ETFA: variants seen among roughly 807,000 people sequenced by gnomAD.
The protein encoded by ETFA is electron transfer flavoprotein subunit alpha.
In ETFA, 22 loss-of-function variants were observed where a neutral mutation model predicts 46.2. That is an observed-to-expected ratio of 0.48 (90% CI 0.34 to 0.68). ETFA has a LOEUF of 0.68. ETFA is among the 30% of genes least tolerant of loss of function. The pLI is 0.01. For missense variants in ETFA, 345 were observed against 401.1 expected (o/e 0.86, Z 1.19); for synonymous variants, 131 against 139.9 (o/e 0.94, Z 0.45).
chr15:76,308,773 G>A (rs1318062134), intron 1 of ETFA, among the ~76,000 whole-genome samples: 4 of 152,196 alleles, frequency 2.6e-5, no homozygotes, highest in Non-Finnish European at 4.4e-5. Context: ...GTATTTTATG[G>A]TGAAACTTCC....
chr15:76,266,514 C>T (rs941454774), intron 9 of ETFA, among the ~76,000 whole-genome samples: 7 of 152,282 alleles, frequency 4.6e-5, no homozygotes, highest in African/African-American at 9.6e-5. Flanking sequence ...GCTGTAAATG[C>T]GGCAGGGTTA....
chr15:76,263,789 T>C (rs56220133), intron 9 of ETFA, among the ~76,000 whole-genome samples: 10,663 of 152,158 alleles, frequency 0.07, 442 homozygotes, highest in Middle Eastern at 0.12. Context: ...AGGACGAGTG[T>C]AAAAAACTAA....
In ETFA at chr15:76,225,928, G is replaced by C; in HGVS notation, c.884C>G (p.Thr295Arg). The change falls in exon 11 of 12, where the codon ACA (threonine) becomes AGA (arginine). Residue 295 changes from threonine to arginine, a missense_variant and splice_region_variant. By Grantham distance (71) the Thr-to-Arg change is moderately conservative. Transcript: ENST00000557943. ...TGGGTCTTTATTAATTGCCACAATT[G>C]TCTGTGAAATAAAAACAAAGAGTTT... ...QHLAGMKDSKTIVAINKDPEA... is the reference protein window; with the variant it reads ...QHLAGMKDSKRIVAINKDPEA... 6.3e-7 allele frequency: 1 copy of C among 1,595,966 alleles called. No homozygotes were observed. The highest frequency in any genetic ancestry group is 1.1e-5 in the South Asian group (1 of 90,694).
At chr15:76,218,698 T>C (rs1323272195) in intron 11 of ETFA, among the ~76,000 whole-genome samples, 1 of 152,216 alleles carries the variant, frequency 6.6e-6, no homozygotes, top group African/African-American at 2.4e-5. Context: ...TCTGTTCTCT[T>C]TTAGATATTG....
chr15:76,251,599 A>G (rs2039298634), intron 9 of ETFA, among the ~76,000 whole-genome samples: 1 of 152,198 alleles, frequency 6.6e-6, no homozygotes, highest in Admixed American at 6.5e-5. Flanking sequence ...GGCGCTAGTC[A>G]TTCCGCACAG....
intron 1 of ETFA, among the ~76,000 whole-genome samples, chr15:76,302,755 G>A (rs1484167814): frequency 6.6e-6 from 1 of 152,202 alleles, no homozygotes; most frequent in African/African-American, 2.4e-5. Flanking sequence ...CAGTGGAGGA[G>A]GTTGTGGGTG....
Position 76,274,310 on chromosome 15 carries a change from G to A in ETFA, c.816+102C>T. 6 of 930,002 alleles carry A rather than the reference G, an allele frequency of 6.5e-6. No individual in the cohort carries two copies. In the Admixed American group the frequency reaches 1.2e-4, roughly 19 times the overall value. 57.6% of individuals were successfully genotyped at this position (930,002 alleles called of 1,614,324 possible). ...CACCATGGTACTGGCTAACTGCTCA[G>A]GAACACTGAGTAAGGTAAATCACTG... On this transcript the variant is annotated intron_variant, in intron 9 of 11. Transcript: ENST00000557943.
chr15:76,295,368 T>TG (rs1209467896), intron 2 of ETFA, among the ~76,000 whole-genome samples: 1 of 152,222 alleles, frequency 6.6e-6, no homozygotes, highest in African/African-American at 2.4e-5. Flanking sequence ...ATGGTGCCAG[T>TG]GGAACTAAAT....
At chr15:76,243,349 A>G (rs188858434) in intron 9 of ETFA, among the ~76,000 whole-genome samples, 4 of 152,264 alleles carry the variant, frequency 2.6e-5, no homozygotes, top group East Asian at 1.9e-4. Flanking sequence ...AAAAATCACT[A>G]GAAACCTTGA....
intron 9 of ETFA, among the ~76,000 whole-genome samples, chr15:76,263,374 G>C (rs968246837): frequency 6.6e-6 from 1 of 152,234 alleles, no homozygotes; most frequent in Non-Finnish European, 1.5e-5. Context: ...AGGAACGCTA[G>C]AGCATGTGAA....
chr15:76,218,840 C>T lies in ETFA; in HGVS notation c.964-2243G>A, dbSNP rs115504655. Among the ~76,000 whole-genome samples, 793 of 152,176 alleles carry T rather than the reference C, an allele frequency of 5.2e-3. 8 individuals carry two copies. The highest frequency in any genetic ancestry group is 0.018 in the African/African-American group (734 of 41,516). Reference sequence around the variant, plus strand: ...CACTTAGTACTTCCTCCAGGTAGTACTAAGGGAAACAGAGAAGCTCTCTGT... The same window carrying T: ...CACTTAGTACTTCCTCCAGGTAGTATTAAGGGAAACAGAGAAGCTCTCTGT... On this transcript the variant is annotated intron_variant, in intron 11 of 11. Transcript: ENST00000557943.
At chr15:76,272,921 C>T (rs116477149) in intron 9 of ETFA, among the ~76,000 whole-genome samples, 203 of 151,786 alleles carry the variant, frequency 1.3e-3, no homozygotes, top group African/African-American at 3.5e-3. Context: ...TTCGGTATGA[C>T]AAGCAAACAG....
At chr15:76,308,744 A>G (rs2039960594) in intron 1 of ETFA, among the ~76,000 whole-genome samples, 1 of 152,256 alleles carries the variant, frequency 6.6e-6, no homozygotes, top group African/African-American at 2.4e-5. Context: ...AAAATTGAAC[A>G]TCCATAGATT....
At chr15:76,281,339 A>C (rs1352249743) in intron 8 of ETFA, among the ~76,000 whole-genome samples, 1 of 151,980 alleles carries the variant, frequency 6.6e-6, no homozygotes, top group African/African-American at 2.4e-5. Flanking sequence ...AAATCTGGCT[A>C]TCTTATTTTA....
intron 9 of ETFA, among the ~76,000 whole-genome samples, chr15:76,272,973 T>C (rs545457561): frequency 5.3e-4 from 81 of 152,168 alleles, no homozygotes; most frequent in South Asian, 1.2e-3. Flanking sequence ...AGTTCTAATA[T>C]GTATTTTAAG....
At chr15:76,217,506 G>A (rs908841089) in intron 11 of ETFA, 5 of 389,222 alleles carry the variant, frequency 1.3e-5, no homozygotes, top group Non-Finnish European at 2.6e-5. Flanking sequence ...GCAGTGGCCG[G>A]TCAGCAGACA....
chr15:76,271,501 A>G (rs1362026447), intron 9 of ETFA, among the ~76,000 whole-genome samples: 1 of 152,228 alleles, frequency 6.6e-6, no homozygotes, highest in Non-Finnish European at 1.5e-5. Flanking sequence ...AAGTGAAGGT[A>G]AGACTGTGGA....
intron 8 of ETFA, among the ~76,000 whole-genome samples, chr15:76,281,963 GCA>G (rs2039658671): frequency 6.9e-6 from 1 of 145,736 alleles, no homozygotes; most frequent in African/African-American, 2.6e-5. Context: ...GAGTACAGTG[GCA>G]CAGTCTCAGC....
chr15:76,221,533 G>C (rs2038956544), intron 11 of ETFA, among the ~76,000 whole-genome samples: 1 of 152,226 alleles, frequency 6.6e-6, no homozygotes, highest in Non-Finnish European at 1.5e-5. Context: ...AACAGGTGGT[G>C]CCCTATGCCC....
Sources: gnomAD v4.1 joint callset for allele counts (sites outside exome capture counted in the v4.1 genomes callset) on GRCh38, gnomAD v4.1.1 for gene constraint, MANE v1.5 for transcripts, NCBI Gene and HGNC (gene_info 2026-07-23, HGNC 2026-07-21) for gene names.